ZHX2: variants seen among roughly 807,000 people sequenced by gnomAD.
ZHX2 encodes zinc fingers and homeoboxes 2, also known as zinc fingers and homeoboxes protein 2.
Under a neutral mutation model 21.9 loss-of-function variants are expected in ZHX2, and 6 were observed. The ratio of observed to expected loss-of-function variants is 0.27; its 90% CI spans 0.15 to 0.54. The LOEUF (loss-of-function observed/expected upper bound fraction) is 0.54, where lower values mean the gene tolerates loss of function less well. Among genes scored for constraint, ZHX2 ranks in the 20% least tolerant of loss-of-function variants. The pLI, the probability that ZHX2 is intolerant of heterozygous loss-of-function variation, is 0.95. For missense variants in ZHX2, 908 were observed against 1,090.7 expected, an observed-to-expected ratio of 0.83 and a Z score of 2.36; for synonymous variants, 434 against 437.1, an observed-to-expected ratio of 0.99 and a Z score of 0.09.
rs951505410 is a variant in ZHX2 at position 122,782,155 on chromosome 8, G to T, written c.-283+209G>T. Among the ~76,000 whole-genome samples the T allele has an allele frequency of 6.6e-6, 1 of 152,070 alleles. No homozygotes were observed. The highest frequency in any genetic ancestry group is 1.5e-5 in the Non-Finnish European group (1 of 68,004). ...GGGGGTGTGCAGGCTCTTTTTGCGG[G>T]TGGGAGGAAATGAGCGGATACAGAG... On this transcript the variant is annotated intron_variant, in intron 1 of 3. Coordinates refer to ENST00000314393, the MANE Select transcript of ZHX2 (RefSeq NM_014943.5). The surrounding 1 kb of genome is among the most constrained non-coding windows in gnomAD (Gnocchi z 5.3).
chr8:122,901,869 A>T (rs1317431910), intron 2 of ZHX2, among the ~76,000 whole-genome samples: 1 of 152,196 alleles, frequency 6.6e-6, no homozygotes, highest in African/African-American at 2.4e-5. Context: ...AAAATCACCC[A>T]ACATTGAGAA....
chr8:122,832,140 T>C (rs916669170), intron 1 of ZHX2, among the ~76,000 whole-genome samples: 2 of 152,086 alleles, frequency 1.3e-5, no homozygotes, highest in Non-Finnish European at 2.9e-5. Context: ...CAGTTGCAGC[T>C]TCAGGTAAGA....
intron 1 of ZHX2, among the ~76,000 whole-genome samples, chr8:122,817,441 G>A (rs889026092): frequency 6.6e-6 from 1 of 152,200 alleles, no homozygotes; most frequent in Admixed American, 6.5e-5. Context: ...ACTTGAAGAG[G>A]CTGCAACCAG....
intron 2 of ZHX2, among the ~76,000 whole-genome samples, chr8:122,950,102 C>T (rs1813071933): frequency 6.6e-6 from 1 of 152,070 alleles, no homozygotes; most frequent in Non-Finnish European, 1.5e-5. Flanking sequence ...CAAAACTCTG[C>T]CATACATATG....
At chr8:122,800,105 C>T (rs1243771496) in intron 1 of ZHX2, among the ~76,000 whole-genome samples, 1 of 152,202 alleles carries the variant, frequency 6.6e-6, no homozygotes, top group East Asian at 1.9e-4. Flanking sequence ...ATCTGCCTGC[C>T]TCAGCCTCCC....
intron 2 of ZHX2, among the ~76,000 whole-genome samples, chr8:122,928,967 T>C (rs890969881): frequency 1.3e-5 from 2 of 152,214 alleles, no homozygotes; most frequent in African/African-American, 2.4e-5. Flanking sequence ...ATTATTATCT[T>C]ATTGGTTAAC....
intron 1 of ZHX2, among the ~76,000 whole-genome samples, chr8:122,859,040 C>G (rs577243069): frequency 5.3e-5 from 8 of 152,212 alleles, no homozygotes; most frequent in Non-Finnish European, 1.0e-4. Flanking sequence ...CCTCCACAAC[C>G]CAAGGAGGCA....
Position 122,931,414 on chromosome 8 carries a change from G to A in ZHX2, c.-219-19878G>A, listed in dbSNP as rs936260741. ...AGACAGGACGGAAAGAAGAGAGAGA[G>A]AGAGGAGAGAGCAGGTAGATAATGT... is the stretch of plus-strand genomic sequence containing the variant. On this transcript the variant is annotated intron_variant, in intron 2 of 3. Coordinates refer to ENST00000314393, the MANE Select transcript of ZHX2 (RefSeq NM_014943.5). Among the ~76,000 whole-genome samples, 3 of 152,216 alleles carry A rather than the reference G, an allele frequency of 2.0e-5. No homozygotes were observed. The East Asian group carries it at 5.8e-4, about 29-fold the overall frequency.
In ZHX2 at chr8:122,828,326, G is replaced by A. The variant is rs1818304884; in HGVS notation, c.-282-35151G>A. Among the ~76,000 whole-genome samples the A allele has an allele frequency of 6.6e-6, 1 of 152,194 alleles. No homozygotes were observed. Among genetic ancestry groups the A allele is most frequent in the Admixed American group, 6.5e-5 (1 of 15,282 alleles). On this transcript the variant is annotated intron_variant, in intron 1 of 3. Transcript: ENST00000314393. The surrounding 1 kb of genome is among the most constrained non-coding windows in gnomAD (Gnocchi z 5.2). ...AAGATAGAGAAAGTATCTGTACAGTGCATGTGCGTGTGTGTGTTAGTGATA... is the reference window on the plus strand; with the variant it reads ...AAGATAGAGAAAGTATCTGTACAGTACATGTGCGTGTGTGTGTTAGTGATA...
chr8:122,877,842 G>T (rs780713097), intron 2 of ZHX2, among the ~76,000 whole-genome samples: 13 of 152,198 alleles, frequency 8.5e-5, no homozygotes, highest in African/African-American at 2.9e-4. Flanking sequence ...AAGGAAGCAC[G>T]ATCTGGTTTG....
chr8:122,883,638 A>T (rs1356069369), intron 2 of ZHX2, among the ~76,000 whole-genome samples: 2 of 152,256 alleles, frequency 1.3e-5, no homozygotes, highest in Non-Finnish European at 2.9e-5. Flanking sequence ...AAAAGAGATA[A>T]TAAAAGCAGT....
At position 122,951,575 on chromosome 8, in the gene ZHX2, A is replaced by T. The variant is rs935655750; in HGVS notation, c.65A>T (p.Asp22Val). 1.2e-6 allele frequency: 2 copies of T among 1,613,988 alleles called. No individual in the cohort carries two copies. The highest frequency in any genetic ancestry group is 1.7e-5 in the Admixed American group (1 of 59,984). The change falls in exon 3 of 4, where the codon GAT becomes GTT. Residue 22 changes from aspartate (D) to valine (V), a missense_variant. Physicochemically the swap from Asp to Val is radical, Grantham distance 152 (BLOSUM62 -3). This residue lies in a region of ZHX2 where 25 missense variants were observed against 48.9 expected (regional missense o/e 0.51). Coordinates refer to ENST00000314393, the MANE Select transcript of ZHX2 (RefSeq NM_014943.5). ...MVRTSQVVEQDVPEEVDRAKE... is the reference protein window; with the variant it reads ...MVRTSQVVEQVVPEEVDRAKE... ...CGGACATCACAAGTAGTAGAACAAG[A>T]TGTGCCCGAGGAAGTAGACAGGGCC...
intron 2 of ZHX2, among the ~76,000 whole-genome samples, chr8:122,941,068 T>TAA (rs11375328): frequency 0.042 from 5,625 of 133,494 alleles, 236 homozygotes; most frequent in African/African-American, 0.11. Flanking sequence ...CTATCTCTAT[T>TAA]AAAAAAAAAA....
At chr8:122,931,286 G>A (rs557132014) in intron 2 of ZHX2, among the ~76,000 whole-genome samples, 1 of 152,184 alleles carries the variant, frequency 6.6e-6, no homozygotes, top group Non-Finnish European at 1.5e-5. Context: ...TGCTGCCTGC[G>A]TGAGAAGGGC....
intron 2 of ZHX2, among the ~76,000 whole-genome samples, chr8:122,938,869 T>G (rs1432845262): frequency 6.6e-6 from 1 of 151,030 alleles, no homozygotes; most frequent in Non-Finnish European, 1.5e-5. Context: ...AGAAGAAGAA[T>G]CGAGATCAAG....
At chr8:122,959,312 G>A (rs1159901981) in intron 3 of ZHX2, among the ~76,000 whole-genome samples, 1 of 152,124 alleles carries the variant, frequency 6.6e-6, no homozygotes, top group African/African-American at 2.4e-5. Flanking sequence ...TTGCATTCTG[G>A]TTACAATTTA....
chr8:122,938,930 T>TG (rs1487121729), intron 2 of ZHX2, among the ~76,000 whole-genome samples: 1 of 152,056 alleles, frequency 6.6e-6, no homozygotes, highest in Non-Finnish European at 1.5e-5. Flanking sequence ...GAGTCAGTGA[T>TG]GGGGGATATA....
At chr8:122,844,827 T>C (rs2130722219) in intron 1 of ZHX2, among the ~76,000 whole-genome samples, 1 of 152,348 alleles carries the variant, frequency 6.6e-6, no homozygotes, top group South Asian at 2.1e-4. Flanking sequence ...CACACTCTTT[T>C]GCACTGACTG....
At chr8:122,922,277 A>G (rs1250178861) in intron 2 of ZHX2, among the ~76,000 whole-genome samples, 1 of 81,498 alleles carries the variant, frequency 1.2e-5, no homozygotes, top group Non-Finnish European at 2.5e-5. Flanking sequence ...GAGTTCATGA[A>G]AAAAAAAAAA....
Sources: gnomAD v4.1 joint callset for allele counts (sites outside exome capture counted in the v4.1 genomes callset) on GRCh38, gnomAD v4.1.1 for gene constraint, gnomAD v4.1.1 regional missense constraint, Gnocchi (gnomAD v3.1) non-coding constraint, MANE v1.5 for transcripts, NCBI Gene and HGNC (gene_info 2026-07-23, HGNC 2026-07-21) for gene names.